PDE1A: variants seen among roughly 807,000 people sequenced by gnomAD.
PDE1A encodes the protein dual specificity calcium/calmodulin-dependent 3',5'-cyclic nucleotide phosphodiesterase 1A.
A neutral mutation model predicts 61.7 loss-of-function variants in PDE1A; 35 were observed. The observed-to-expected ratio is 0.57, with a 90% CI of 0.43 to 0.75. PDE1A has a LOEUF of 0.75. Among genes scored for constraint, PDE1A ranks in the 30% least tolerant of loss-of-function variants. The probability of loss-of-function intolerance (pLI) is 0.00; values close to 1 mark genes in which losing one functional copy is unlikely to be tolerated. For synonymous variants in PDE1A, 232 were observed against 213.2 expected (o/e 1.09, Z -0.77); for missense variants, 597 against 630.6 (o/e 0.95, Z 0.57).
chr2:182,681,817 T>G, the PDE1A span, among the ~76,000 whole-genome samples: 1 of 152,018 alleles, frequency 6.6e-6, no homozygotes, highest in Admixed American at 6.6e-5. Context: ...AGCTAATTTT[T>G]TTGTATTTTT....
the PDE1A span, among the ~76,000 whole-genome samples, chr2:182,688,568 A>G: frequency 6.6e-6 from 1 of 152,358 alleles, no homozygotes; most frequent in South Asian, 2.1e-4. Flanking sequence ...CAGCCACTGC[A>G]AAAACATGCC....
intron 5 of PDE1A, among the ~76,000 whole-genome samples, chr2:182,230,387 T>C (rs1689481012): frequency 6.6e-6 from 1 of 152,222 alleles, no homozygotes; most frequent in African/African-American, 2.4e-5. Flanking sequence ...ACTTGTACTA[T>C]AGGCTTGAAA....
At chr2:182,358,492 A>G (rs1559373019) in intron 1 of PDE1A, among the ~76,000 whole-genome samples, 1 of 152,024 alleles carries the variant, frequency 6.6e-6, no homozygotes, top group Non-Finnish European at 1.5e-5. Flanking sequence ...CTTATCTATT[A>G]TCTTCTTTTC....
rs78129183 is a variant in PDE1A at position 182,305,935 on chromosome 2, A to G, written c.54-41521T>C. 2.6e-3 allele frequency among the ~76,000 whole-genome samples: 390 copies of G among 152,248 alleles called. 4 individuals carry two copies. Among genetic ancestry groups the G allele is most frequent in the African/African-American group, 9.0e-3 (372 of 41,558 alleles). ...TTAGCAATTTTAAAATATACAATAC[A>G]CTATTTTGAACTATAGTCATCATAC... On this transcript the variant is annotated intron_variant, in intron 1 of 13. Coordinates refer to ENST00000351439, the Ensembl canonical transcript of PDE1A.
At chr2:182,534,792 T>C in the PDE1A span, among the ~76,000 whole-genome samples, 10 of 152,086 alleles carry the variant, frequency 6.6e-5, no homozygotes, top group East Asian at 1.9e-3. Flanking sequence ...TTTTATGTAG[T>C]TAAATTTGTT....
At chr2:182,567,261 CT>C in the PDE1A span, among the ~76,000 whole-genome samples, 6 of 152,144 alleles carry the variant, frequency 3.9e-5, no homozygotes, top group Non-Finnish European at 7.4e-5. Context: ...AATTGGATGA[CT>C]GTGAAACTTC....
At chr2:182,601,618 A>G in the PDE1A span, among the ~76,000 whole-genome samples, 1 of 152,212 alleles carries the variant, frequency 6.6e-6, no homozygotes, top group East Asian at 1.9e-4. Context: ...GAGAAGCTTT[A>G]TTGAGCAGTA....
chr2:182,237,329 T>TA (rs1325380235), intron 3 of PDE1A, among the ~76,000 whole-genome samples: 1 of 152,034 alleles, frequency 6.6e-6, no homozygotes, highest in Non-Finnish European at 1.5e-5. Context: ...CTGTCTCTAC[T>TA]AAAAATACAA....
chr2:182,680,151 G>A, the PDE1A span, among the ~76,000 whole-genome samples: 1 of 151,742 alleles, frequency 6.6e-6, no homozygotes, highest in Admixed American at 6.5e-5. Context: ...ACGCCATTAT[G>A]TAAACTCACA....
intron 12 of PDE1A, 32 bp from the exon 13 acceptor site, chr2:182,186,111 A>G (rs1685182784): frequency 1.9e-6 from 3 of 1,606,740 alleles, no homozygotes; most frequent in Non-Finnish European, 2.6e-6. Context: ...ACCAAAAAAC[A>G]CCATCAGGAT....
At chr2:182,446,064 AC>A (rs990147423) in intron 2 of PDE1A, among the ~76,000 whole-genome samples, 1 of 152,118 alleles carries the variant, frequency 6.6e-6, no homozygotes, top group African/African-American at 2.4e-5. Context: ...ATTCATTTAA[AC>A]TTAAATCATA....
chr2:182,479,001 C>A (rs974770276), intron 2 of PDE1A, among the ~76,000 whole-genome samples: 1 of 151,682 alleles, frequency 6.6e-6, no homozygotes, highest in African/African-American at 2.4e-5. Flanking sequence ...TTTTATATAC[C>A]ATCTTGCTTC....
At chr2:182,200,911 A>G (rs922158029) in intron 10 of PDE1A, among the ~76,000 whole-genome samples, 3 of 152,206 alleles carry the variant, frequency 2.0e-5, no homozygotes. Context: ...TGTATAAAGA[A>G]AAGATGTGTA....
the PDE1A span, among the ~76,000 whole-genome samples, chr2:182,686,965 G>A: frequency 9.0e-3 from 1,376 of 152,318 alleles, 14 homozygotes; most frequent in South Asian, 0.054. Flanking sequence ...ACTTCAAGGC[G>A]GCAGCCAAGC....
intron 13 of PDE1A, among the ~76,000 whole-genome samples, chr2:182,179,165 G>C (rs991954312): frequency 6.6e-6 from 1 of 151,948 alleles, no homozygotes; most frequent in African/African-American, 2.4e-5. Context: ...AATAATGAAG[G>C]GTATATTATT....
At chr2:182,587,546 T>C in the PDE1A span, among the ~76,000 whole-genome samples, 1 of 152,238 alleles carries the variant, frequency 6.6e-6, no homozygotes, top group Non-Finnish European at 1.5e-5. Context: ...CACGTGGTTA[T>C]AACTAAGTGG....
intron 2 of PDE1A, among the ~76,000 whole-genome samples, chr2:182,453,662 A>T (rs544359855): frequency 6.6e-6 from 1 of 152,294 alleles, no homozygotes; most frequent in East Asian, 1.9e-4. Flanking sequence ...ACCAAAGACA[A>T]AAACCACATG....
chr2:182,439,002 A>G (rs559369227), intron 2 of PDE1A, among the ~76,000 whole-genome samples: 8 of 152,138 alleles, frequency 5.3e-5, no homozygotes, highest in Admixed American at 1.3e-4. Flanking sequence ...AATTGCAAAA[A>G]AGAGTGTATT....
chr2:182,402,062 T>A (rs952994557), intron 1 of PDE1A, among the ~76,000 whole-genome samples: 1 of 152,138 alleles, frequency 6.6e-6, no homozygotes, highest in African/African-American at 2.4e-5. Context: ...TGCTCATGAA[T>A]AGAAAGAATC....
Sources: gnomAD v4.1 joint callset for allele counts (sites outside exome capture counted in the v4.1 genomes callset) on GRCh38, gnomAD v4.1.1 for gene constraint, MANE v1.5 for transcripts, NCBI Gene and HGNC (gene_info 2026-07-23, HGNC 2026-07-21) for gene names.